UNC5B: variants seen among roughly 807,000 people sequenced by gnomAD.
UNC5B encodes netrin receptor UNC5B.
Under a neutral mutation model 103.7 loss-of-function variants are expected in UNC5B, and 56 were observed. The observed-to-expected ratio is 0.54, with a 90% CI of 0.44 to 0.67. The LOEUF is 0.67. Ranked by LOEUF, UNC5B falls within the 30% of genes least tolerant of loss-of-function variation. UNC5B has a pLI of 0.00. For synonymous variants in UNC5B, 577 were observed against 542.0 expected, an observed-to-expected ratio of 1.06 and a Z score of -0.90; for missense variants, 1,194 against 1,284.5, an observed-to-expected ratio of 0.93 and a Z score of 1.08.
chr10:71,239,807 G>A (rs1843856237), intron 1 of UNC5B, among the ~76,000 whole-genome samples: 2 of 152,158 alleles, frequency 1.3e-5, no homozygotes, highest in East Asian at 3.9e-4. Flanking sequence ...AGATTCCTCC[G>A]GTCATCTTCA....
rs1251930935 is a variant in UNC5B at position 71,293,921 on chromosome 10, T to A, written c.2163T>A (p.Pro721=). Residue 721 remains proline (P), a synonymous_variant, in exon 13 of 17, where the codon CCT becomes CCA. Coordinates refer to ENST00000335350, the MANE Select transcript of UNC5B (RefSeq NM_170744.5). Reference sequence around the variant, plus strand: ...GGGTCTACTGCCTGGAGGACACGCCTGTAGCACTGAAGGTAGGGCCAGCTG... The same window carrying A: ...GGGTCTACTGCCTGGAGGACACGCCAGTAGCACTGAAGGTAGGGCCAGCTG... ...SLRVYCLEDT[P]VALKEVLELE... is the part of the protein sequence containing the mutation. 2 of 1,599,968 alleles carry A rather than the reference T, an allele frequency of 1.3e-6. No individual in the cohort carries two copies. Among genetic ancestry groups the A allele is most frequent in the Admixed American group, 3.3e-5 (2 of 59,818 alleles).
At chr10:71,280,764 C>G (rs908108645) in intron 2 of UNC5B, among the ~76,000 whole-genome samples, 1 of 152,216 alleles carries the variant, frequency 6.6e-6, no homozygotes, top group Non-Finnish European at 1.5e-5. Context: ...GGCTCTTGCT[C>G]ACTTGTCACC....
chr10:71,218,272 C>T (rs1314601172), intron 1 of UNC5B: 4 of 152,228 alleles, frequency 2.6e-5, no homozygotes, highest in Non-Finnish European at 5.9e-5. Context: ...TAGGCTGTGT[C>T]TGTGTTTGGG....
At chr10:71,297,700 C>T (rs1845476825) in intron 15 of UNC5B, among the ~76,000 whole-genome samples, 1 of 152,268 alleles carries the variant, frequency 6.6e-6, no homozygotes, top group African/African-American at 2.4e-5. Context: ...AAGCATGGTG[C>T]ACCCCCTGAG....
intron 8 of UNC5B, 56 bp downstream of exon 8, chr10:71,289,046 G>A (rs1845176417): frequency 2.5e-6 from 4 of 1,613,582 alleles, no homozygotes; most frequent in Non-Finnish European, 1.7e-6. Flanking sequence ...GGTTCTCTTT[G>A]GCTGGCTTTT....
chr10:71,241,104 T>C (rs1036701500), intron 1 of UNC5B, among the ~76,000 whole-genome samples: 2 of 152,314 alleles, frequency 1.3e-5, no homozygotes. Context: ...AAAGCCTCCT[T>C]AGGCAAGAAC....
At chr10:71,247,699 C>G (rs1281159933) in intron 1 of UNC5B, among the ~76,000 whole-genome samples, 2 of 152,190 alleles carry the variant, frequency 1.3e-5, no homozygotes, top group African/African-American at 2.4e-5. Context: ...GCCACAGCAC[C>G]CACACTGGGA....
chr10:71,285,779 G>A (rs1480458561), intron 4 of UNC5B, among the ~76,000 whole-genome samples: 1 of 151,994 alleles, frequency 6.6e-6, no homozygotes, highest in Non-Finnish European at 1.5e-5. Context: ...ATCCCATCAT[G>A]CGTGTGTGTG....
At chr10:71,250,104 C>A (rs981268830) in intron 1 of UNC5B, among the ~76,000 whole-genome samples, 4 of 152,210 alleles carry the variant, frequency 2.6e-5, no homozygotes, top group African/African-American at 9.7e-5. Context: ...GTGCTGGGAG[C>A]CCATGGCAAA....
At position 71,293,795 on chromosome 10, in the gene UNC5B, C is replaced by T. The variant is rs1845333515; in HGVS notation, c.2037C>T (p.Thr679=). The T allele has an allele frequency of 2.5e-6, 4 of 1,607,282 alleles. No individual in the cohort carries two copies. Among genetic ancestry groups the T allele is most frequent in the Non-Finnish European group, 3.4e-6 (4 of 1,177,184 alleles). Residue 679 remains threonine, a synonymous_variant, in exon 13 of 17, where the codon ACC becomes ACT. Coordinates refer to ENST00000335350, the MANE Select transcript of UNC5B (RefSeq NM_170744.5). ...ACATCCTGCTGGACCAGCTGGGCAC[C>T]TACGTGTTCACGGGCGAGTCCTATT... is the stretch of plus-strand genomic sequence containing the variant. ...ACHILLDQLG[T]YVFTGESYSR...
intron 15 of UNC5B, among the ~76,000 whole-genome samples, chr10:71,297,636 C>T (rs1845475559): frequency 6.6e-6 from 1 of 152,252 alleles, no homozygotes; most frequent in African/African-American, 2.4e-5. Context: ...GGCTGGGCCT[C>T]CTTGGGGCTT....
At position 71,293,914 on chromosome 10, in the gene UNC5B, A is replaced by G. The variant is rs745409697; in HGVS notation, c.2156A>G (p.Asp719Gly). Residue 719 changes from aspartate to glycine, a missense_variant, in exon 13 of 17, where the codon GAC (aspartate) becomes GGC (glycine). By Grantham distance (94) the Asp-to-Gly change is moderately conservative. Coordinates refer to ENST00000335350, the MANE Select transcript of UNC5B (RefSeq NM_170744.5). The stretch of plus-strand genomic sequence containing the variant: ...AGCCTCCGGGTCTACTGCCTGGAGG[A>G]CACGCCTGTAGCACTGAAGGTAGGG... Reference protein sequence around the residue: ...EYSLRVYCLEDTPVALKEVLE... With the variant: ...EYSLRVYCLEGTPVALKEVLE... The G allele has an allele frequency of 1.2e-6, 2 of 1,602,330 alleles. No homozygotes were observed. Among genetic ancestry groups the G allele is most frequent in the Non-Finnish European group, 8.5e-7 (1 of 1,179,178 alleles).
chr10:71,298,047 G>A lies in UNC5B; in HGVS notation c.2629G>A (p.Gly877Ser). 6.2e-7 allele frequency: 1 copy of A among 1,613,366 alleles called. No homozygotes were observed. Among genetic ancestry groups the A allele is most frequent in the Non-Finnish European group, 8.5e-7 (1 of 1,179,832 alleles). Residue 877 changes from glycine to serine, a missense_variant, in exon 16 of 17, where the codon GGC becomes AGC. Physicochemically the swap from Gly to Ser is moderately conservative, Grantham distance 56. Coordinates refer to ENST00000335350, the MANE Select transcript of UNC5B (RefSeq NM_170744.5). Reference protein sequence around the residue: ...CNSLDAPNSRGNDWRMLAQKL... With the variant: ...CNSLDAPNSRSNDWRMLAQKL... ...CAGCCTAGATGCCCCCAACTCACGG[G>A]GCAATGACTGGCGGATGTTAGCACA... is the stretch of plus-strand genomic sequence containing the variant.
At chr10:71,296,155 A>G (rs932747597) in intron 14 of UNC5B, among the ~76,000 whole-genome samples, 195 bp downstream of exon 14, 2 of 152,158 alleles carry the variant, frequency 1.3e-5, no homozygotes, top group Admixed American at 6.5e-5. Context: ...ATTCAGGGCA[A>G]TGGGCAGCCA....
Position 71,278,938 on chromosome 10 carries a change from C to A in UNC5B, c.80-883C>A, listed in dbSNP as rs988251956. ...AGCAGGTCAATGGCCTGGTTTCCCCCGCTTCTGGGCACTGGCGGTGGCCAC... is the reference window on the plus strand; with the variant it reads ...AGCAGGTCAATGGCCTGGTTTCCCCAGCTTCTGGGCACTGGCGGTGGCCAC... On this transcript the variant is annotated intron_variant, in intron 1 of 16. Coordinates refer to ENST00000335350, the MANE Select transcript of UNC5B (RefSeq NM_170744.5). 2.6e-5 allele frequency among the ~76,000 whole-genome samples: 4 copies of A among 152,220 alleles called. No homozygotes were observed. The East Asian group carries it at 5.8e-4, about 22-fold the overall frequency.
chr10:71,255,985 C>T lies in UNC5B; in HGVS notation c.80-23836C>T, dbSNP rs576482931. Among the ~76,000 whole-genome samples the T allele has an allele frequency of 1.1e-4, 17 of 152,328 alleles. No individual in the cohort carries two copies. The South Asian group carries it at 1.2e-3, about 11-fold the overall frequency. ...TTGAGTCATACGCCCTGGCAGGCTC[C>T]GTGCTGGACATTTGTTCGGTTGGGC... On this transcript the variant is annotated intron_variant, in intron 1 of 16. Coordinates refer to ENST00000335350, the MANE Select transcript of UNC5B (RefSeq NM_170744.5).
At chr10:71,238,980 C>T (rs1843831014) in intron 1 of UNC5B, among the ~76,000 whole-genome samples, 1 of 152,142 alleles carries the variant, frequency 6.6e-6, no homozygotes, top group Admixed American at 6.5e-5. Flanking sequence ...GTTAAGGCTT[C>T]TGCCTGCTCA....
intron 1 of UNC5B, among the ~76,000 whole-genome samples, chr10:71,257,637 G>A (rs1423715863): frequency 6.6e-6 from 1 of 152,250 alleles, no homozygotes; most frequent in African/African-American, 2.4e-5. Flanking sequence ...TCTCACCGTG[G>A]AGAGATGTAC....
rs559323367 is a variant in UNC5B at position 71,288,558 on chromosome 10, G to C, written c.902-10G>C. ...GCGTGCACATGCTCCTGTATGCCATGCTCTTACAGTCGATGGGGCGTGGAC... is the reference window on the plus strand; with the variant it reads ...GCGTGCACATGCTCCTGTATGCCATCCTCTTACAGTCGATGGGGCGTGGAC... On this transcript the variant is annotated splice_polypyrimidine_tract_variant and intron_variant, in intron 6 of 16. Transcript: ENST00000335350. The C allele has an allele frequency of 5.6e-6, 9 of 1,609,920 alleles. 1 individual carries two copies. The highest frequency in any genetic ancestry group is 3.3e-4 in the Middle Eastern group (2 of 6,002).
Sources: gnomAD v4.1 joint callset for allele counts (sites outside exome capture counted in the v4.1 genomes callset) on GRCh38, gnomAD v4.1.1 for gene constraint, MANE v1.5 for transcripts, NCBI Gene and HGNC (gene_info 2026-07-23, HGNC 2026-07-21) for gene names.